The following DAB1 variants were observed in gnomAD, a reference collection of about 807,000 sequenced individuals.
DAB1 encodes disabled homolog 1.
DAB1 carries 15 observed loss-of-function variants against 64.6 expected under a neutral mutation model. That is an observed-to-expected ratio of 0.23 (90% CI 0.16 to 0.36). The LOEUF is 0.36. DAB1 is among the 10% of genes least tolerant of loss of function. The probability of loss-of-function intolerance (pLI) is 1.00; values close to 1 mark genes in which losing one functional copy is unlikely to be tolerated. For synonymous variants in DAB1, 235 were observed against 251.9 expected, an observed-to-expected ratio of 0.93 and a Z score of 0.64; for missense variants, 596 against 706.7, an observed-to-expected ratio of 0.84 and a Z score of 1.78.
intron 6 of DAB1, among the ~76,000 whole-genome samples, chr1:57,799,564 A>T (rs1350636838): frequency 6.1e-5 from 1 of 16,276 alleles, no homozygotes; most frequent in Non-Finnish European, 1.0e-4. Context: ...TGAGATGAGA[A>T]AAAAAAAAAA....
intron 1 of DAB1, among the ~76,000 whole-genome samples, chr1:57,416,560 T>C (rs1417931666): frequency 2.6e-5 from 4 of 152,194 alleles, no homozygotes; most frequent in Admixed American, 6.5e-5. Context: ...TTTTAAGAGA[T>C]GTCAATAAAA....
intron 9 of DAB1, among the ~76,000 whole-genome samples, chr1:57,051,689 A>G (rs999752130): frequency 7.9e-5 from 12 of 152,170 alleles, no homozygotes; most frequent in African/African-American, 2.9e-4. Flanking sequence ...GGGGTTCCCA[A>G]ACATCTCTTC....
intron 3 of DAB1, chr1:58,468,278 A>G (rs1258565540): frequency 6.6e-6 from 1 of 152,216 alleles, no homozygotes; most frequent in Non-Finnish European, 1.5e-5. Flanking sequence ...ATTATATATG[A>G]CATTGTTTCA....
Position 57,695,299 on chromosome 1 carries a change from GGAAAGAAA to G in DAB1, n.552-45642_552-45635del, listed in dbSNP as rs763060862. On this transcript the variant is annotated intron_variant and non_coding_transcript_variant, in intron 6 of 20. Coordinates refer to the DAB1 transcript ENST00000485760. ...AAGGAAGGAAGAAAGGGAGAGAGAA[GGAAAGAAA>G]GAAAGAAAGAAAGAAAGAAAGAAAG... Among the ~76,000 whole-genome samples the G allele has an allele frequency of 2.5e-3, 95 of 37,266 alleles. 2 individuals are homozygous for G. Among genetic ancestry groups the G allele is most frequent in the Non-Finnish European group, 4.0e-3 (60 of 14,930 alleles). 24.4% of individuals were successfully genotyped at this position (37,266 alleles called of 152,430 possible).
chr1:58,402,589 G>C (rs935641848), intron 3 of DAB1, among the ~76,000 whole-genome samples: 3 of 151,920 alleles, frequency 2.0e-5, no homozygotes, highest in Non-Finnish European at 4.4e-5. Flanking sequence ...ACATGTAGTA[G>C]GCATTCAATA....
intron 3 of DAB1, among the ~76,000 whole-genome samples, chr1:58,496,182 G>T (rs984361112): frequency 3.1e-4 from 46 of 148,462 alleles, no homozygotes; most frequent in African/African-American, 1.0e-3. Flanking sequence ...TTTTTTTTTG[G>T]CTTTGGGCAT....
At chr1:58,483,899 T>C (rs1285356453) in intron 3 of DAB1, among the ~76,000 whole-genome samples, 1 of 152,318 alleles carries the variant, frequency 6.6e-6, no homozygotes, top group Non-Finnish European at 1.5e-5. Context: ...TATATCAGTG[T>C]AGTGCCTATG....
chr1:57,451,209 G>A (rs368184896), intron 7 of DAB1, among the ~76,000 whole-genome samples: 8 of 152,254 alleles, frequency 5.3e-5, no homozygotes, highest in African/African-American at 1.9e-4. Flanking sequence ...CCCCCTGCTT[G>A]CCCTCTTGTC....
Position 58,394,133 on chromosome 1 carries a change from TA to T in DAB1, n.258-50731del, listed in dbSNP as rs200740244. 8.5e-3 allele frequency among the ~76,000 whole-genome samples: 1,299 copies of T among 152,282 alleles called. 15 individuals carry two copies. Among genetic ancestry groups the T allele is most frequent in the African/African-American group, 0.03 (1,236 of 41,566 alleles). ...CCAAAGAAAAGATGATCAATATCAT[TA>T]GTCATAGAAGAATGTAAATTAAAAC... On this transcript the variant is annotated intron_variant and non_coding_transcript_variant, in intron 3 of 20. Transcript: ENST00000485760.
intron 7 of DAB1, among the ~76,000 whole-genome samples, chr1:57,610,004 C>T (rs955555131): frequency 1.3e-5 from 2 of 152,142 alleles, no homozygotes; most frequent in East Asian, 1.9e-4. Flanking sequence ...CACTAATTGC[C>T]GGGTACTGGA....
intron 14 of DAB1, among the ~76,000 whole-genome samples, chr1:57,002,076 GC>G (rs1645889254): frequency 6.6e-6 from 1 of 152,144 alleles, no homozygotes; most frequent in African/African-American, 2.4e-5. Flanking sequence ...GTGGAAGTTG[GC>G]AAATAGTTGT....
At chr1:57,542,714 T>C (rs989908494) in intron 7 of DAB1, among the ~76,000 whole-genome samples, 1 of 152,074 alleles carries the variant, frequency 6.6e-6, no homozygotes, top group African/African-American at 2.4e-5. Flanking sequence ...TAAATATTCC[T>C]GTTCACAGTA....
chr1:57,412,828 AG>A (rs1360281696), intron 1 of DAB1, among the ~76,000 whole-genome samples: 1 of 152,250 alleles, frequency 6.6e-6, no homozygotes, highest in Non-Finnish European at 1.5e-5. Context: ...AGCTACAACA[AG>A]TTATCCTGAA....
intron 1 of DAB1, among the ~76,000 whole-genome samples, chr1:57,407,066 CAGAAA>C (rs764574390): frequency 3.3e-4 from 50 of 152,164 alleles, no homozygotes; most frequent in Non-Finnish European, 5.9e-4. Flanking sequence ...GCAAAATACT[CAGAAA>C]AGAAAATATT....
At chr1:57,812,999 G>T (rs1425839630) in intron 6 of DAB1, among the ~76,000 whole-genome samples, 8 of 152,158 alleles carry the variant, frequency 5.3e-5, no homozygotes, top group Non-Finnish European at 1.0e-4. Context: ...TCTTTTAAAG[G>T]ATCATATCAC....
At chr1:57,793,040 T>A (rs995068572) in intron 6 of DAB1, among the ~76,000 whole-genome samples, 1 of 152,356 alleles carries the variant, frequency 6.6e-6, no homozygotes, top group East Asian at 1.9e-4. Context: ...GGGAAAAGTC[T>A]TATCTAAAGT....
At chr1:57,476,387 CCT>C (rs1006658471) in intron 7 of DAB1, among the ~76,000 whole-genome samples, 3 of 152,000 alleles carry the variant, frequency 2.0e-5, no homozygotes, top group Admixed American at 2.0e-4. Context: ...ATTTCTCCTA[CCT>C]CTGTGAAGAG....
chr1:57,239,796 TC>T (rs2100469863), intron 2 of DAB1, among the ~76,000 whole-genome samples: 1 of 152,336 alleles, frequency 6.6e-6, no homozygotes, highest in East Asian at 1.9e-4. Flanking sequence ...ATAAATTCTC[TC>T]TTTTCTGACT....
intron 7 of DAB1, among the ~76,000 whole-genome samples, chr1:57,594,325 G>A (rs1645480637): frequency 6.6e-6 from 1 of 152,140 alleles, no homozygotes; most frequent in African/African-American, 2.4e-5. Flanking sequence ...TCGTCTTTGG[G>A]CAAAAGAATC....
Sources: allele counts gnomAD v4.1 joint callset (sites outside exome capture counted in the v4.1 genomes callset), GRCh38; gene constraint gnomAD v4.1.1; transcripts MANE v1.5; gene names NCBI Gene and HGNC (gene_info 2026-07-23, HGNC 2026-07-21).